The following DLGAP1 variants were observed in gnomAD, a reference collection of about 807,000 sequenced individuals.
DLGAP1 encodes DLG associated protein 1, also known as disks large-associated protein 1.
In DLGAP1, 11 loss-of-function variants were observed where a neutral mutation model predicts 90.8. The ratio of observed to expected loss-of-function variants is 0.12; its 90% CI spans 0.08 to 0.20. DLGAP1 has a LOEUF of 0.20. DLGAP1 is among the 10% of genes least tolerant of loss of function. The pLI is 1.00. For synonymous variants in DLGAP1, 558 were observed against 540.7 expected, an observed-to-expected ratio of 1.03 and a Z score of -0.44; for missense variants, 1,050 against 1,333.8, an observed-to-expected ratio of 0.79 and a Z score of 3.31.
intron 7 of DLGAP1, among the ~76,000 whole-genome samples, chr18:3,641,526 A>G (rs1205068237): frequency 2.8e-5 from 4 of 144,994 alleles, no homozygotes. Flanking sequence ...AGCAGGAGCA[A>G]AACTCCGTCT....
At chr18:4,279,995 AAAC>A in intron 1 of DLGAP1, among the ~76,000 whole-genome samples, 1 of 152,218 alleles carries the variant, frequency 6.6e-6, no homozygotes, top group Non-Finnish European at 1.5e-5. Context: ...TAATGAATAA[AAAC>A]AAGCTGTCAT....
At chr18:4,087,288 T>G in intron 2 of DLGAP1, among the ~76,000 whole-genome samples, 1 of 151,974 alleles carries the variant, frequency 6.6e-6, no homozygotes. Context: ...ACAAAATCTC[T>G]GCAGCACTGT....
rs745932480 is a variant in DLGAP1, at chr18:3,661,368, T to C, written c.1591+67767A>G. 3.9e-5 allele frequency among the ~76,000 whole-genome samples: 6 copies of C among 152,278 alleles called. No individual in the cohort carries two copies. In the East Asian group the frequency reaches 1.2e-3, roughly 29 times the overall value. Reference sequence around the variant, plus strand: ...TCTGTGGCTGCTTTGACCATTAGAATACAGAGGAAATGATGCTGTCTGCCC... The same window carrying C: ...TCTGTGGCTGCTTTGACCATTAGAACACAGAGGAAATGATGCTGTCTGCCC... On this transcript the variant is annotated intron_variant, in intron 7 of 12. Coordinates refer to ENST00000315677, the MANE Select transcript of DLGAP1 (RefSeq NM_004746.4).
intron 1 of DLGAP1, among the ~76,000 whole-genome samples, chr18:4,372,422 TA>T (rs1399302342): frequency 6.6e-6 from 1 of 152,190 alleles, no homozygotes; most frequent in Non-Finnish European, 1.5e-5. Context: ...GAATACTCAA[TA>T]AATATGTGCT....
chr18:3,696,581 A>G (rs1398732462), intron 7 of DLGAP1, among the ~76,000 whole-genome samples: 1 of 152,066 alleles, frequency 6.6e-6, no homozygotes, highest in Non-Finnish European at 1.5e-5. Flanking sequence ...TTTTGAAGTG[A>G]CACTTGGTTC....
At chr18:4,116,850 T>C (rs893192408) in intron 2 of DLGAP1, among the ~76,000 whole-genome samples, 1 of 152,248 alleles carries the variant, frequency 6.6e-6, no homozygotes, top group African/African-American at 2.4e-5. Flanking sequence ...TTATTTAGGC[T>C]CCTTCAAAAG....
chr18:3,947,917 T>C (rs2072908418), intron 3 of DLGAP1, among the ~76,000 whole-genome samples: 2 of 152,312 alleles, frequency 1.3e-5, no homozygotes, highest in South Asian at 4.1e-4. Flanking sequence ...ACATCTTGTC[T>C]CTGTTCCAAA....
chr18:3,816,700 C>G (rs1460891019), intron 4 of DLGAP1, among the ~76,000 whole-genome samples: 3 of 152,134 alleles, frequency 2.0e-5, no homozygotes, highest in Non-Finnish European at 4.4e-5. Context: ...TCCCATTTTA[C>G]AAATGAGGAC....
chr18:4,220,653 T>C (rs1188684743), intron 1 of DLGAP1, among the ~76,000 whole-genome samples: 1 of 152,162 alleles, frequency 6.6e-6, no homozygotes, highest in Non-Finnish European at 1.5e-5. Context: ...ATTGACATGG[T>C]AAATTTCTTA....
intron 1 of DLGAP1, among the ~76,000 whole-genome samples, chr18:4,380,377 G>A (rs914504541): frequency 6.6e-6 from 1 of 152,094 alleles, no homozygotes; most frequent in African/African-American, 2.4e-5. Context: ...CTGGGCATTT[G>A]CCCTTGACTG....
chr18:4,141,640 A>T (rs1345233683), intron 2 of DLGAP1, among the ~76,000 whole-genome samples: 1 of 151,974 alleles, frequency 6.6e-6, no homozygotes, highest in Non-Finnish European at 1.5e-5. Flanking sequence ...TTAGGTGTTT[A>T]AACATCACCT....
At chr18:3,687,874 T>C (rs1030330788) in intron 7 of DLGAP1, among the ~76,000 whole-genome samples, 5 of 150,914 alleles carry the variant, frequency 3.3e-5, no homozygotes, top group Admixed American at 6.6e-5. Flanking sequence ...AGCTTTATAA[T>C]AATGAGTATA....
At chr18:3,521,713 AT>A (rs2051203037) in intron 10 of DLGAP1, among the ~76,000 whole-genome samples, 1 of 152,184 alleles carries the variant, frequency 6.6e-6, no homozygotes, top group Non-Finnish European at 1.5e-5. Context: ...TTCTGTTAAT[AT>A]GTCAGATTTC....
At chr18:3,773,858 C>T (rs1462436161) in intron 5 of DLGAP1, among the ~76,000 whole-genome samples, 2 of 152,174 alleles carry the variant, frequency 1.3e-5, no homozygotes, top group Non-Finnish European at 2.9e-5. Flanking sequence ...GGTAGCCTGA[C>T]AGTCAGATGT....
chr18:3,936,116 C>G (rs1599183731), intron 3 of DLGAP1, among the ~76,000 whole-genome samples: 1 of 152,184 alleles, frequency 6.6e-6, no homozygotes, highest in Non-Finnish European at 1.5e-5. Flanking sequence ...TGAACCCCCC[C>G]AGAGACTTAT....
intron 4 of DLGAP1, among the ~76,000 whole-genome samples, chr18:3,814,644 C>T (rs1396486230): frequency 6.6e-6 from 1 of 152,016 alleles, no homozygotes. Flanking sequence ...TACAGGCTAA[C>T]ATTTCTAATT....
At chr18:4,424,200 T>A (rs2083102985) in intron 1 of DLGAP1, among the ~76,000 whole-genome samples, 1 of 152,082 alleles carries the variant, frequency 6.6e-6, no homozygotes, top group Admixed American at 6.6e-5. Context: ...GCAAAGAATA[T>A]GAAGTCATAT....
intron 1 of DLGAP1, among the ~76,000 whole-genome samples, chr18:4,203,355 TC>T (rs1419383773): frequency 3.3e-5 from 5 of 152,014 alleles, no homozygotes; most frequent in Non-Finnish European, 7.4e-5. Context: ...CAAGAATGCA[TC>T]CTTGAAATAT....
At chr18:3,523,641 A>C (rs180939432) in intron 10 of DLGAP1, among the ~76,000 whole-genome samples, 20,266 of 151,660 alleles carry the variant, frequency 0.13, 2,166 homozygotes, top group African/African-American at 0.29. Flanking sequence ...AGGTCAGGAG[A>C]TCGAGACCAT....
Sources: allele counts gnomAD v4.1 joint callset (sites outside exome capture counted in the v4.1 genomes callset), GRCh38; gene constraint gnomAD v4.1.1; transcripts MANE v1.5; gene names NCBI Gene and HGNC (gene_info 2026-07-23, HGNC 2026-07-21).